The following CA10 variants were observed in gnomAD, a reference collection of about 807,000 sequenced individuals.
The protein encoded by CA10 is carbonic anhydrase 10 (inactive).
CA10 carries 14 observed loss-of-function variants against 44.2 expected under a neutral mutation model. That is an observed-to-expected ratio of 0.32 (90% CI 0.21 to 0.50). CA10 has a LOEUF of 0.50. Ranked by LOEUF, CA10 falls within the 20% of genes least tolerant of loss-of-function variation. The pLI is 0.99. For synonymous variants in CA10, 159 were observed against 141.6 expected (o/e 1.12, Z -0.87); for missense variants, 350 against 409.7 (o/e 0.85, Z 1.26).
At chr17:51,933,550 G>T (rs975978693) in intron 2 of CA10, among the ~76,000 whole-genome samples, 3 of 152,016 alleles carry the variant, frequency 2.0e-5, no homozygotes, top group African/African-American at 7.2e-5. Flanking sequence ...GAATATATTT[G>T]ACCTCCAGAA....
At chr17:51,893,697 A>T (rs575984235) in intron 3 of CA10, among the ~76,000 whole-genome samples, 68 of 152,282 alleles carry the variant, frequency 4.5e-4, no homozygotes, top group African/African-American at 1.6e-3. Flanking sequence ...GAAGAATTAA[A>T]AGGCTTATTT....
chr17:51,915,531 A>C (rs1005632156), intron 3 of CA10, among the ~76,000 whole-genome samples: 11 of 152,224 alleles, frequency 7.2e-5, no homozygotes, highest in African/African-American at 2.7e-4. Flanking sequence ...AGAGGCCAAC[A>C]ACACAGAACA....
intron 3 of CA10, among the ~76,000 whole-genome samples, chr17:51,758,087 GT>G (rs992162012): frequency 2.0e-5 from 3 of 151,966 alleles, no homozygotes; most frequent in East Asian, 1.9e-4. Context: ...AAAATAGTGG[GT>G]TTTTTTCCCT....
Position 51,636,031 on chromosome 17 carries a change from A to G in CA10, c.635-22T>C, listed in dbSNP as rs199649046. ...TCATCTAGAGAAGGAAAGAAGACTT[A>G]AAAATTAGGTTTCTTGAGAAAGGGA... On this transcript the variant is annotated intron_variant, in intron 6 of 8. Transcript: ENST00000451037. 7.1e-5 allele frequency: 109 copies of G among 1,524,652 alleles called. No individual in the cohort carries two copies. The East Asian group carries it at 2.5e-3, about 34-fold the overall frequency. The allele number at this position is 1,524,652 out of a possible 1,614,324, so 94.4% of individuals were successfully genotyped here. A position where few individuals can be genotyped will look rare whatever the true frequency, so the allele number is the denominator to read the frequency against.
chr17:52,004,645 A>G (rs1409914528), intron 2 of CA10, among the ~76,000 whole-genome samples: 1 of 151,938 alleles, frequency 6.6e-6, no homozygotes, highest in Non-Finnish European at 1.5e-5. Flanking sequence ...TTATTAGTAC[A>G]CATGACATTA....
intron 1 of CA10, among the ~76,000 whole-genome samples, chr17:52,129,539 G>T (rs1326600765): frequency 6.6e-6 from 1 of 152,198 alleles, no homozygotes; most frequent in Admixed American, 6.5e-5. Flanking sequence ...TCAGGTATTT[G>T]AATCTTGGCA....
At chr17:51,663,818 T>A (rs941077800) in intron 4 of CA10, among the ~76,000 whole-genome samples, 1 of 152,220 alleles carries the variant, frequency 6.6e-6, no homozygotes, top group Non-Finnish European at 1.5e-5. Flanking sequence ...AGTCAGGCCA[T>A]TCACACTTTG....
chr17:52,062,723 T>C (rs1376590327), intron 2 of CA10, among the ~76,000 whole-genome samples: 1 of 152,172 alleles, frequency 6.6e-6, no homozygotes, highest in Non-Finnish European at 1.5e-5. Flanking sequence ...TGTAGGCTCC[T>C]AGAATGCAAG....
intron 3 of CA10, among the ~76,000 whole-genome samples, chr17:51,775,115 G>A (rs1189163669): frequency 6.6e-6 from 1 of 152,040 alleles, no homozygotes; most frequent in East Asian, 1.9e-4. Flanking sequence ...AAGGGGGAGG[G>A]GCATACTTCT....
intron 4 of CA10, among the ~76,000 whole-genome samples, chr17:51,664,124 C>T (rs145107410): frequency 4.7e-4 from 72 of 152,152 alleles, no homozygotes; most frequent in East Asian, 2.5e-3. Flanking sequence ...AATAAAGGCT[C>T]GCTTTGTTTT....
At chr17:51,709,279 T>C (rs531339059) in intron 4 of CA10, among the ~76,000 whole-genome samples, 4 of 152,106 alleles carry the variant, frequency 2.6e-5, no homozygotes, top group African/African-American at 7.2e-5. Context: ...GGGAAGACAA[T>C]AAATAAAAAA....
At chr17:52,088,029 A>G (rs896083498) in intron 1 of CA10, among the ~76,000 whole-genome samples, 1 of 152,160 alleles carries the variant, frequency 6.6e-6, no homozygotes, top group Non-Finnish European at 1.5e-5. Context: ...AAATGATGAG[A>G]GCACATGGAC....
At chr17:51,980,307 T>C (rs183809302) in intron 2 of CA10, among the ~76,000 whole-genome samples, 2 of 152,290 alleles carry the variant, frequency 1.3e-5, no homozygotes, top group African/African-American at 4.8e-5. Flanking sequence ...ATTCACATGA[T>C]TGTTGGCTGT....
chr17:52,079,771 A>G (rs1273961108), intron 1 of CA10, among the ~76,000 whole-genome samples: 3 of 152,168 alleles, frequency 2.0e-5, no homozygotes, highest in African/African-American at 7.2e-5. Flanking sequence ...TAGCAAACCC[A>G]CTTTTATTTA....
At chr17:51,822,838 C>T (rs530770142) in intron 3 of CA10, among the ~76,000 whole-genome samples, 41 of 152,200 alleles carry the variant, frequency 2.7e-4, no homozygotes, top group African/African-American at 9.4e-4. Context: ...GTCCAAATAT[C>T]ATGTGAGAAG....
chr17:51,807,025 T>C (rs936014326), intron 3 of CA10, among the ~76,000 whole-genome samples: 1 of 152,326 alleles, frequency 6.6e-6, no homozygotes, highest in East Asian at 1.9e-4. Context: ...ATTTTACAGA[T>C]GAGAAAACCA....
intron 4 of CA10, among the ~76,000 whole-genome samples, chr17:51,664,651 G>A (rs1211739253): frequency 1.3e-5 from 2 of 151,862 alleles, no homozygotes; most frequent in Admixed American, 1.3e-4. Flanking sequence ...AAGGAAGACA[G>A]CTTCTAGATG....
intron 4 of CA10, among the ~76,000 whole-genome samples, chr17:51,699,507 C>A (rs1347918205): frequency 6.6e-6 from 1 of 152,054 alleles, no homozygotes; most frequent in Non-Finnish European, 1.5e-5. Context: ...GCTTGTCTGC[C>A]AGCAGGTGGC....
intron 2 of CA10, among the ~76,000 whole-genome samples, chr17:52,018,816 T>C (rs755269667): frequency 2.6e-5 from 4 of 152,108 alleles, no homozygotes; most frequent in Non-Finnish European, 4.4e-5. Flanking sequence ...CCAAATCTCA[T>C]GTTCAAATGT....
Sources: allele counts gnomAD v4.1 joint callset (sites outside exome capture counted in the v4.1 genomes callset), GRCh38; gene constraint gnomAD v4.1.1; transcripts MANE v1.5; gene names NCBI Gene and HGNC (gene_info 2026-07-23, HGNC 2026-07-21).